Variants in BMPR1A observed in about 807,000 individuals in gnomAD.
BMPR1A encodes bone morphogenetic protein receptor type-1A.
A neutral mutation model predicts 66.0 loss-of-function variants in BMPR1A; 7 were observed. That is an observed-to-expected ratio of 0.11 (90% confidence interval 0.06 to 0.20). BMPR1A has a LOEUF of 0.20. Among genes scored for constraint, BMPR1A ranks in the 10% least tolerant of loss-of-function variants. The probability of loss-of-function intolerance (pLI) is 1.00; values close to 1 mark genes in which losing one functional copy is unlikely to be tolerated. For synonymous variants in BMPR1A, 200 were observed against 229.7 expected (o/e 0.87, Z 1.17); for missense variants, 408 against 669.1 (o/e 0.61, Z 4.31).
At chr10:86,822,409 A>G (rs74781776) in intron 1 of BMPR1A, among the ~76,000 whole-genome samples, 5,058 of 152,236 alleles carry the variant, frequency 0.033, 267 homozygotes, top group African/African-American at 0.11. Context: ...ACACACTTCA[A>G]TGGTTTTTAG....
chr10:86,786,141 C>T (rs1340975271), intron 1 of BMPR1A, among the ~76,000 whole-genome samples: 2 of 152,098 alleles, frequency 1.3e-5, no homozygotes, highest in African/African-American at 4.8e-5. Context: ...ATGAACTGAC[C>T]ATGCTTCTAG....
rs567576725 is a variant in BMPR1A at position 86,900,149 on chromosome 10, G to A, written c.530+23G>A. On this transcript the variant is annotated intron_variant, in intron 7 of 12. Coordinates refer to ENST00000372037, the MANE Select transcript of BMPR1A (RefSeq NM_004329.3). ...CAAGTAAGAAGATATTTATTTTGAA[G>A]CAAAATATTTTGTCAAATATTAGAT... The A allele has an allele frequency of 5.0e-6, 8 of 1,606,794 alleles. No homozygotes were observed. The South Asian group carries it at 8.8e-5, about 18-fold the overall frequency.
intron 10 of BMPR1A, among the ~76,000 whole-genome samples, chr10:86,919,964 G>T (rs1202575575): frequency 1.3e-5 from 2 of 151,928 alleles, no homozygotes; most frequent in Admixed American, 6.6e-5. Context: ...CAAAGTGCTG[G>T]GATTACAGGT....
At chr10:86,766,186 CT>C (rs1174831669) in intron 1 of BMPR1A, among the ~76,000 whole-genome samples, 1 of 151,912 alleles carries the variant, frequency 6.6e-6, no homozygotes, top group African/African-American at 2.4e-5. Flanking sequence ...GAGGTGGGAT[CT>C]CACCATGATG....
chr10:86,834,622 C>T (rs377157502), intron 1 of BMPR1A, among the ~76,000 whole-genome samples: 24 of 152,224 alleles, frequency 1.6e-4, no homozygotes, highest in East Asian at 1.2e-3. Flanking sequence ...AAATTTAGAA[C>T]GCAACCCATT....
At chr10:86,923,196 A>G (rs994106501) in intron 11 of BMPR1A, among the ~76,000 whole-genome samples, 180 bp from the exon 12 acceptor site, 2 of 152,170 alleles carry the variant, frequency 1.3e-5, no homozygotes, top group Admixed American at 6.5e-5. Flanking sequence ...GGTAGAGGAA[A>G]TAGTTGGACA....
chr10:86,815,009 C>A (rs1008339285), intron 1 of BMPR1A, among the ~76,000 whole-genome samples: 65 of 152,158 alleles, frequency 4.3e-4, no homozygotes, highest in African/African-American at 1.4e-3. Context: ...TTGTCTTGAA[C>A]TCCTGACCTC....
At chr10:86,809,152 T>C (rs1348048967) in intron 1 of BMPR1A, among the ~76,000 whole-genome samples, 1 of 152,248 alleles carries the variant, frequency 6.6e-6, no homozygotes, top group African/African-American at 2.4e-5. Context: ...ATTAAAATTA[T>C]AAAATATGCA....
In BMPR1A at chr10:86,797,640, T is replaced by A. The variant is rs953714790; in HGVS notation, c.-268+40721T>A. Among the ~76,000 whole-genome samples, 5 of 152,208 alleles carry A rather than the reference T, an allele frequency of 3.3e-5. No homozygotes were observed. The South Asian group carries it at 8.3e-4, about 25-fold the overall frequency. ...CTCAGCCTCCCAAAGTGCTGGGGAT[T>A]ACAGGCGTGAGCCACCGTGCCCGGC... On this transcript the variant is annotated intron_variant, in intron 1 of 12. Transcript: ENST00000372037.
intron 3 of BMPR1A, among the ~76,000 whole-genome samples, chr10:86,887,384 G>A (rs532737117): frequency 6.6e-6 from 1 of 152,212 alleles, no homozygotes; most frequent in South Asian, 2.1e-4. Flanking sequence ...AGTATTCTAG[G>A]AAGTTTCATA....
intron 2 of BMPR1A, among the ~76,000 whole-genome samples, chr10:86,847,580 T>C (rs1321418390): frequency 6.6e-6 from 1 of 152,060 alleles, no homozygotes; most frequent in Non-Finnish European, 1.5e-5. Flanking sequence ...CCAGGCACGG[T>C]GGCTCATGCC....
At chr10:86,855,794 G>T in intron 2 of BMPR1A, 1 of 1,138,334 alleles carries the variant, frequency 8.8e-7, no homozygotes, top group Non-Finnish European at 1.3e-6. Context: ...TGTTGAATTT[G>T]GTCTGTTTCC....
intron 3 of BMPR1A, among the ~76,000 whole-genome samples, chr10:86,889,311 C>T (rs1031534909): frequency 1.3e-5 from 2 of 152,184 alleles, no homozygotes; most frequent in Non-Finnish European, 1.5e-5. Flanking sequence ...CCAATGACCT[C>T]GAGGTGAAAA....
intron 1 of BMPR1A, among the ~76,000 whole-genome samples, chr10:86,771,413 A>G (rs763981272): frequency 1.6e-4 from 24 of 152,232 alleles, no homozygotes; most frequent in Non-Finnish European, 3.4e-4. Context: ...GGTATCTGAC[A>G]TATTTCCTTA....
intron 3 of BMPR1A, among the ~76,000 whole-genome samples, chr10:86,883,549 C>CAAAAAAAAAAAAAAAAA (rs71019436): frequency 6.6e-5 from 3 of 45,410 alleles, no homozygotes; most frequent in African/African-American, 1.4e-4. Context: ...GACTCCGTCT[C>CAAAAAAAAAAAAAAAAA]AAAAAAAAAA....
At chr10:86,843,980 C>T (rs946870047) in intron 2 of BMPR1A, among the ~76,000 whole-genome samples, 3 of 152,014 alleles carry the variant, frequency 2.0e-5, no homozygotes, top group Non-Finnish European at 2.9e-5. Flanking sequence ...GAAGGGACAC[C>T]GATGTGTGAC....
chr10:86,905,996 A>G (rs970146760), intron 7 of BMPR1A, among the ~76,000 whole-genome samples: 1 of 152,116 alleles, frequency 6.6e-6, no homozygotes, highest in Non-Finnish European at 1.5e-5. Context: ...TTTAGGTCCA[A>G]GTTTTCATTT....
intron 1 of BMPR1A, among the ~76,000 whole-genome samples, chr10:86,804,877 A>C (rs200147134): frequency 6.9e-6 from 1 of 145,358 alleles, no homozygotes; most frequent in African/African-American, 2.6e-5. Flanking sequence ...TTGTCTCCCA[A>C]TTCTAGAGGC....
chr10:86,838,231 A>T (rs1340229419), intron 1 of BMPR1A, among the ~76,000 whole-genome samples: 2 of 152,058 alleles, frequency 1.3e-5, no homozygotes, highest in African/African-American at 2.4e-5. Context: ...CTTGTCTCAA[A>T]AATAATAATA....
Sources: allele counts gnomAD v4.1 joint callset (sites outside exome capture counted in the v4.1 genomes callset), GRCh38; gene constraint gnomAD v4.1.1; transcripts MANE v1.5; gene names NCBI Gene and HGNC (gene_info 2026-07-23, HGNC 2026-07-21).